ST6GALNAC5: variants seen among roughly 807,000 people sequenced by gnomAD.
ST6GALNAC5 encodes the protein alpha-N-acetylgalactosaminide alpha-2,6-sialyltransferase 5.
Under a neutral mutation model 33.6 loss-of-function variants are expected in ST6GALNAC5, and 27 were observed. The observed-to-expected ratio is 0.80, with a 90% CI of 0.59 to 1.11. The LOEUF (loss-of-function observed/expected upper bound fraction) is 1.11. ST6GALNAC5 is among the 50% of genes least tolerant of loss of function. The probability of loss-of-function intolerance (pLI) is 0.00; values close to 1 mark genes in which losing one functional copy is unlikely to be tolerated. For synonymous variants in ST6GALNAC5, 194 were observed against 171.2 expected (o/e 1.13, Z -1.04); for missense variants, 428 against 454.0 (o/e 0.94, Z 0.52).
chr1:76,984,025 A>G (rs1037898877), intron 2 of ST6GALNAC5, among the ~76,000 whole-genome samples: 1 of 152,234 alleles, frequency 6.6e-6, no homozygotes, highest in Admixed American at 6.5e-5. Context: ...TGTAGAGGGA[A>G]ATTTATAGCA....
chr1:76,951,209 A>G (rs574611917), intron 2 of ST6GALNAC5, among the ~76,000 whole-genome samples: 7 of 152,290 alleles, frequency 4.6e-5, no homozygotes, highest in African/African-American at 1.7e-4. Context: ...GGCAGCTTCA[A>G]AAGGTAAAAG....
At chr1:77,049,613 A>C (rs540205546) in intron 3 of ST6GALNAC5, among the ~76,000 whole-genome samples, 14 of 152,234 alleles carry the variant, frequency 9.2e-5, no homozygotes, top group Non-Finnish European at 1.8e-4. Flanking sequence ...TCCTAGTAAA[A>C]ATTTTCTGAT....
At chr1:76,919,598 C>T (rs1164802229) in intron 2 of ST6GALNAC5, among the ~76,000 whole-genome samples, 1 of 152,156 alleles carries the variant, frequency 6.6e-6, no homozygotes, top group African/African-American at 2.4e-5. Context: ...ATCTCCTCAG[C>T]TATAAAGTCT....
rs140000004 is a variant in ST6GALNAC5 at position 76,999,158 on chromosome 1, G to A, written c.262-45046G>A. 6.3e-3 allele frequency among the ~76,000 whole-genome samples: 957 copies of A among 152,238 alleles called. 10 individuals are homozygous for A. Among genetic ancestry groups the A allele is most frequent in the African/African-American group, 0.021 (883 of 41,534 alleles). On this transcript the variant is annotated intron_variant, in intron 2 of 4. Coordinates refer to ENST00000477717, the MANE Select transcript of ST6GALNAC5 (RefSeq NM_030965.3). The stretch of plus-strand genomic sequence containing the variant: ...AAATGGAAGACAGGCAGCTTTCCCA[G>A]CTTTGGAATAGGGGACAGTAAGGGA...
intron 4 of ST6GALNAC5, among the ~76,000 whole-genome samples, chr1:77,052,891 CG>C (rs1652271219): frequency 1.4e-5 from 2 of 139,594 alleles, no homozygotes; most frequent in Admixed American, 7.6e-5. Context: ...GCCCTCCAGC[CG>C]GGGCGACAAA....
intron 2 of ST6GALNAC5, among the ~76,000 whole-genome samples, chr1:77,000,906 A>C (rs1425077358): frequency 4.6e-5 from 7 of 152,016 alleles, no homozygotes; most frequent in Admixed American, 3.3e-4. Flanking sequence ...CTTGTAATAT[A>C]GTTTGAAGTC....
intron 2 of ST6GALNAC5, among the ~76,000 whole-genome samples, chr1:77,041,819 G>T (rs1373482649): frequency 1.3e-5 from 2 of 152,176 alleles, no homozygotes; most frequent in Non-Finnish European, 2.9e-5. Flanking sequence ...GGAGGTCTTT[G>T]GTAGAAGATT....
At chr1:76,979,518 C>T (rs1293459789) in intron 2 of ST6GALNAC5, among the ~76,000 whole-genome samples, 1 of 152,144 alleles carries the variant, frequency 6.6e-6, no homozygotes, top group Non-Finnish European at 1.5e-5. Flanking sequence ...CAATAACATA[C>T]ATTGGGGGAA....
At chr1:76,956,180 T>A (rs1557736179) in intron 2 of ST6GALNAC5, among the ~76,000 whole-genome samples, 1 of 152,102 alleles carries the variant, frequency 6.6e-6, no homozygotes, top group Non-Finnish European at 1.5e-5. Context: ...AATTCCATAA[T>A]TTCAGGGTTA....
At chr1:76,927,059 A>C (rs186011885) in intron 2 of ST6GALNAC5, among the ~76,000 whole-genome samples, 26 of 152,100 alleles carry the variant, frequency 1.7e-4, no homozygotes, top group Admixed American at 7.9e-4. Flanking sequence ...TATACACTTC[A>C]TGTCTGTCAG....
At chr1:76,867,743 G>C (rs1274249735) in intron 1 of ST6GALNAC5, 53 bp downstream of exon 1, 1 of 1,613,762 alleles carries the variant, frequency 6.2e-7, no homozygotes, top group Non-Finnish European at 8.5e-7. Flanking sequence ...CCCGGGCTCA[G>C]GGTCCACGGG....
chr1:76,924,624 T>C lies in ST6GALNAC5; in HGVS notation c.261+55882T>C, dbSNP rs112663974. On this transcript the variant is annotated intron_variant, in intron 2 of 4. Transcript: ENST00000477717. ...TGTGTTTCTTTGTTTCCTCATATAC[T>C]TTCATATATGTACCAAAGTTCCATC... 5.9e-5 allele frequency among the ~76,000 whole-genome samples: 9 copies of C among 152,284 alleles called. 1 individual carries two copies. Among genetic ancestry groups the C allele is most frequent in the African/African-American group, 2.2e-4 (9 of 41,570 alleles).
intron 2 of ST6GALNAC5, among the ~76,000 whole-genome samples, chr1:76,956,114 T>C (rs1647955098): frequency 6.6e-6 from 1 of 152,126 alleles, no homozygotes; most frequent in Non-Finnish European, 1.5e-5. Context: ...ATAAAACTTA[T>C]CTGTAATGTT....
intron 2 of ST6GALNAC5, among the ~76,000 whole-genome samples, chr1:77,011,805 T>A (rs928793056): frequency 2.0e-5 from 3 of 152,122 alleles, no homozygotes; most frequent in Non-Finnish European, 4.4e-5. Context: ...ATAGTAACAT[T>A]TTTATTTTGT....
chr1:76,954,371 C>T (rs1246336839), intron 2 of ST6GALNAC5, among the ~76,000 whole-genome samples: 6 of 151,948 alleles, frequency 3.9e-5, no homozygotes, highest in Non-Finnish European at 8.8e-5. Flanking sequence ...CACACTGAGG[C>T]CTGTTGGAAA....
intron 2 of ST6GALNAC5, among the ~76,000 whole-genome samples, chr1:76,879,610 A>G (rs1570632921): frequency 1.3e-5 from 2 of 152,242 alleles, no homozygotes; most frequent in South Asian, 4.1e-4. Flanking sequence ...GTGGCTCCTG[A>G]GGAGAATCAA....
At position 76,868,616 on chromosome 1, in the gene ST6GALNAC5, ACAG is replaced by A. The variant is rs756722464; in HGVS notation, c.145_147del (p.Gln49del). 2.5e-6 allele frequency: 4 copies of A among 1,609,016 alleles called. No homozygotes were observed. In the South Asian group the frequency reaches 3.3e-5, roughly 13 times the overall value. ...CGCAGCAGCAGCAGCAGCAGCAGCA[ACAG>A]CAGCAGCAGGCGTCGGCCACCGGCA... On this transcript the variant is annotated inframe_deletion, in exon 2 of 5. Transcript: ENST00000477717. This position sits in a 1 kb window ranked among gnomAD's most constrained non-coding sequence, Gnocchi z 4.3.
At chr1:76,919,763 C>T (rs1050331616) in intron 2 of ST6GALNAC5, among the ~76,000 whole-genome samples, 1 of 152,136 alleles carries the variant, frequency 6.6e-6, no homozygotes, top group Non-Finnish European at 1.5e-5. Context: ...AAACTTCTGA[C>T]CTTTCTTCAT....
At chr1:76,914,320 C>T (rs1479070099) in intron 2 of ST6GALNAC5, among the ~76,000 whole-genome samples, 1 of 152,134 alleles carries the variant, frequency 6.6e-6, no homozygotes, top group Non-Finnish European at 1.5e-5. Flanking sequence ...TGACTTTCTT[C>T]ACAGAATTGG....
Sources: gnomAD v4.1 joint callset for allele counts (sites outside exome capture counted in the v4.1 genomes callset) on GRCh38, gnomAD v4.1.1 for gene constraint, Gnocchi (gnomAD v3.1) non-coding constraint, MANE v1.5 for transcripts, NCBI Gene and HGNC (gene_info 2026-07-23, HGNC 2026-07-21) for gene names.